Variants in CAST observed in about 807,000 individuals in gnomAD.
CAST encodes the protein MIR583 host.
Under a neutral mutation model 119.6 loss-of-function variants are expected in CAST, and 76 were observed. The ratio of observed to expected loss-of-function variants is 0.64; its 90% CI spans 0.53 to 0.77. The LOEUF (loss-of-function observed/expected upper bound fraction) is 0.77, where lower values mean the gene tolerates loss of function less well. Among genes scored for constraint, CAST ranks in the 30% least tolerant of loss-of-function variants. The probability of loss-of-function intolerance (pLI) is 0.00; values close to 1 mark genes in which losing one functional copy is unlikely to be tolerated. For synonymous variants in CAST, 319 were observed against 331.6 expected, an observed-to-expected ratio of 0.96 and a Z score of 0.41; for missense variants, 953 against 946.5, an observed-to-expected ratio of 1.01 and a Z score of -0.09.
chr5:96,570,116 C>A (rs1580829051), intron 1 of CAST, among the ~76,000 whole-genome samples: 2 of 152,320 alleles, frequency 1.3e-5, no homozygotes, highest in East Asian at 3.9e-4. Context: ...TGGTTGAGAA[C>A]CACAAGTTTA....
At chr5:96,664,889 T>G (rs1749118364) in intron 1 of CAST, among the ~76,000 whole-genome samples, 2 of 152,226 alleles carry the variant, frequency 1.3e-5, no homozygotes, top group Admixed American at 6.5e-5. Flanking sequence ...CTAAGGTTCT[T>G]ATCAAAATGT....
chr5:96,512,140 G>A, the CAST span, among the ~76,000 whole-genome samples: 1 of 152,188 alleles, frequency 6.6e-6, no homozygotes, highest in African/African-American at 2.4e-5. Context: ...ATACTGAACA[G>A]TAAATGAACA....
chr5:96,423,474 CA>C, the CAST span: 3 of 1,613,372 alleles, frequency 1.9e-6, no homozygotes, highest in African/African-American at 4.0e-5. Context: ...TAAAGAAAAA[CA>C]ACGAAGCATT....
chr5:96,425,044 GAAAGAAAGAA>G, the CAST span, among the ~76,000 whole-genome samples: 2 of 127,070 alleles, frequency 1.6e-5, no homozygotes, highest in South Asian at 2.9e-4. Context: ...AAGAAAGAAA[GAAAGAAAGAA>G]AGAAAGAAAG....
the CAST span, among the ~76,000 whole-genome samples, chr5:96,092,814 C>T: frequency 6.6e-6 from 1 of 152,182 alleles, no homozygotes; most frequent in African/African-American, 2.4e-5. Context: ...GCTTTAGAAT[C>T]ATAGAAAGAG....
intron 3 of CAST, among the ~76,000 whole-genome samples, chr5:96,710,490 C>T (rs1755901149): frequency 6.6e-6 from 1 of 152,050 alleles, no homozygotes; most frequent in Admixed American, 6.6e-5. Context: ...TTCTAAGTGT[C>T]TATTGTCCCC....
intron 1 of CAST, among the ~76,000 whole-genome samples, chr5:96,617,692 T>G (rs1747492645): frequency 1.4e-5 from 2 of 147,686 alleles, no homozygotes; most frequent in African/African-American, 2.5e-5. Context: ...CTCGAGAGGC[T>G]GAGGCAGGAT....
chr5:96,386,125 A>G, the CAST span, among the ~76,000 whole-genome samples: 1 of 152,356 alleles, frequency 6.6e-6, no homozygotes, highest in Admixed American at 6.5e-5. Context: ...GAATATAGTT[A>G]AGAAAGAATC....
chr5:96,071,822 C>T, the CAST span, among the ~76,000 whole-genome samples: 1 of 152,002 alleles, frequency 6.6e-6, no homozygotes, highest in African/African-American at 2.4e-5. Context: ...ATGACTGGGA[C>T]TTAATTCAAA....
At chr5:96,710,878 A>G (rs1280343657) in intron 3 of CAST, among the ~76,000 whole-genome samples, 4 of 152,074 alleles carry the variant, frequency 2.6e-5, no homozygotes, top group Non-Finnish European at 4.4e-5. Flanking sequence ...TAAAAAAAAA[A>G]AAGTCTGTCC....
At chr5:96,768,296 C>T in intron 29 of CAST, 1 of 408,678 alleles carries the variant, frequency 2.4e-6, no homozygotes, top group Non-Finnish European at 4.7e-6. Flanking sequence ...TGTTGCCAGG[C>T]TGGTCTCGAG....
At chr5:96,601,272 CT>C (rs1271515455) in intron 1 of CAST, among the ~76,000 whole-genome samples, 1 of 152,178 alleles carries the variant, frequency 6.6e-6, no homozygotes, top group Non-Finnish European at 1.5e-5. Context: ...TTGTGTCCTA[CT>C]TTCTTTATTG....
the CAST span, among the ~76,000 whole-genome samples, chr5:95,993,889 G>C: frequency 6.6e-6 from 1 of 151,800 alleles, no homozygotes; most frequent in Non-Finnish European, 1.5e-5. Flanking sequence ...CTAGTTATCA[G>C]GGAAATGCAA....
At chr5:96,572,453 G>A (rs1170817654) in intron 1 of CAST, among the ~76,000 whole-genome samples, 2 of 152,076 alleles carry the variant, frequency 1.3e-5, no homozygotes, top group African/African-American at 2.4e-5. Context: ...TGCCCACCTC[G>A]GCCTCCCAAA....
the CAST span, among the ~76,000 whole-genome samples, chr5:96,477,647 A>G: frequency 6.6e-6 from 1 of 152,202 alleles, no homozygotes; most frequent in African/African-American, 2.4e-5. Flanking sequence ...ATGTTAACAC[A>G]AAAATCCACA....
At chr5:96,310,341 T>C in the CAST span, among the ~76,000 whole-genome samples, 2 of 152,254 alleles carry the variant, frequency 1.3e-5, no homozygotes, top group Admixed American at 1.3e-4. Context: ...GCTGCTATTG[T>C]GATGAGGACT....
At chr5:96,408,226 G>T in the CAST span, 44 of 1,611,174 alleles carry the variant, frequency 2.7e-5, no homozygotes, top group Non-Finnish European at 3.7e-5. Context: ...GCCTTACTTT[G>T]CTTCCAGGGC....
At chr5:96,369,376 T>C in the CAST span, among the ~76,000 whole-genome samples, 1 of 152,146 alleles carries the variant, frequency 6.6e-6, no homozygotes, top group Non-Finnish European at 1.5e-5. Context: ...TCTAAGTTAC[T>C]GTTTTTGCTT....
At chr5:96,163,267 A>G in the CAST span, among the ~76,000 whole-genome samples, 3 of 152,036 alleles carry the variant, frequency 2.0e-5, no homozygotes, top group East Asian at 1.9e-4. Context: ...AATAATTTGC[A>G]TGTTCTTTCT....
Sources: gnomAD v4.1 joint callset for allele counts (sites outside exome capture counted in the v4.1 genomes callset) on GRCh38, gnomAD v4.1.1 for gene constraint, MANE v1.5 for transcripts, NCBI Gene and HGNC (gene_info 2026-07-23, HGNC 2026-07-21) for gene names.